The following CCDC73 variants were observed in gnomAD, a reference collection of about 807,000 sequenced individuals.
CCDC73 encodes coiled-coil domain-containing protein 73.
In CCDC73, 95 loss-of-function variants were observed where a neutral mutation model predicts 116.5. The ratio of observed to expected loss-of-function variants is 0.82; its 90% CI spans 0.69 to 0.97. The LOEUF (loss-of-function observed/expected upper bound fraction) is 0.97, where lower values mean the gene tolerates loss of function less well. CCDC73 is among the 50% of genes least tolerant of loss of function. The pLI is 0.00. For missense variants in CCDC73, 1,066 were observed against 1,206.8 expected, an observed-to-expected ratio of 0.88 and a Z score of 1.73; for synonymous variants, 398 against 401.3, an observed-to-expected ratio of 0.99 and a Z score of 0.10.
chr11:32,606,516 C>T (rs1300230072), intron 17 of CCDC73, among the ~76,000 whole-genome samples: 1 of 152,214 alleles, frequency 6.6e-6, no homozygotes, highest in Non-Finnish European at 1.5e-5. Context: ...GACAATGAAG[C>T]TTACCATAGT....
intron 7 of CCDC73, among the ~76,000 whole-genome samples, chr11:32,676,855 G>C (rs991250078): frequency 6.6e-6 from 1 of 152,230 alleles, no homozygotes; most frequent in Admixed American, 6.5e-5. Flanking sequence ...ATAGTAGATA[G>C]TCTACTTAAA....
chr11:32,700,164 A>C lies in CCDC73; in HGVS notation c.315+627T>G, dbSNP rs558843380. Reference sequence around the variant, plus strand: ...AAATATATTCTAATTAATAAGATACAGGTGGTATTTATCTAATGAATATAA... The same window carrying C: ...AAATATATTCTAATTAATAAGATACCGGTGGTATTTATCTAATGAATATAA... On this transcript the variant is annotated intron_variant, in intron 5 of 17. Coordinates refer to ENST00000335185, the MANE Select transcript of CCDC73 (RefSeq NM_001008391.4). Among the ~76,000 whole-genome samples the C allele has an allele frequency of 1.1e-4, 17 of 152,050 alleles. No individual in the cohort carries two copies. The East Asian group carries it at 2.3e-3, about 21-fold the overall frequency.
At chr11:32,651,411 C>T (rs768729777) in intron 12 of CCDC73, among the ~76,000 whole-genome samples, 2 of 152,200 alleles carry the variant, frequency 1.3e-5, no homozygotes, top group Admixed American at 6.5e-5. Context: ...TGCACCTACA[C>T]CCCAACAAAA....
chr11:32,702,129 T>A (rs1849819506), intron 4 of CCDC73, among the ~76,000 whole-genome samples: 2 of 149,954 alleles, frequency 1.3e-5, no homozygotes, highest in South Asian at 4.2e-4. Flanking sequence ...CTTAAAAAAA[T>A]TAACACATCT....
intron 1 of CCDC73, among the ~76,000 whole-genome samples, chr11:32,768,170 T>C (rs2133384514): frequency 6.6e-6 from 1 of 152,236 alleles, no homozygotes; most frequent in Non-Finnish European, 1.5e-5. Flanking sequence ...ATGTCCTTTG[T>C]AGGGACATGG....
At position 32,761,077 on chromosome 11, in the gene CCDC73, C is replaced by T. The variant is rs530775249; in HGVS notation, c.-15-819G>A. Among the ~76,000 whole-genome samples, 4 of 152,158 alleles carry T rather than the reference C, an allele frequency of 2.6e-5. No individual in the cohort carries two copies. The South Asian group carries it at 8.3e-4, about 32-fold the overall frequency. On this transcript the variant is annotated intron_variant, in intron 1 of 17. Coordinates refer to ENST00000335185, the MANE Select transcript of CCDC73 (RefSeq NM_001008391.4). ...AAGATACAGAACTCTAGCATCAATA[C>T]AAGCTTCTTCAAGCAGCTTCTCTGT...
intron 5 of CCDC73, 72 bp downstream of exon 5, chr11:32,700,719 C>A: frequency 1.5e-6 from 1 of 676,362 alleles, no homozygotes; most frequent in Non-Finnish European, 2.4e-6. Context: ...AGGCATCTAG[C>A]TATGTTTTAA....
At chr11:32,661,526 CACCT>C (rs1276174087) in intron 9 of CCDC73, among the ~76,000 whole-genome samples, 2 of 149,132 alleles carry the variant, frequency 1.3e-5, no homozygotes, top group Non-Finnish European at 3.0e-5. Flanking sequence ...GTTCAATTCC[CACCT>C]GAGAGTGAGA....
At chr11:32,618,223 G>T (rs1855491939) in intron 14 of CCDC73, among the ~76,000 whole-genome samples, 1 of 152,066 alleles carries the variant, frequency 6.6e-6, no homozygotes, top group Non-Finnish European at 1.5e-5. Context: ...CTTTTTTATG[G>T]CTGTGTAGTA....
At chr11:32,726,265 G>A (rs1052363997) in intron 2 of CCDC73, among the ~76,000 whole-genome samples, 4 of 152,062 alleles carry the variant, frequency 2.6e-5, no homozygotes, top group African/African-American at 7.2e-5. Context: ...TCCAGATATT[G>A]GATTTATTGA....
intron 1 of CCDC73, among the ~76,000 whole-genome samples, chr11:32,765,681 C>T (rs1004333179): frequency 6.6e-6 from 1 of 152,174 alleles, no homozygotes; most frequent in African/African-American, 2.4e-5. Flanking sequence ...AAAATTGACA[C>T]CCTAACATCA....
At chr11:32,789,652 A>G (rs1485293566) in intron 1 of CCDC73, among the ~76,000 whole-genome samples, 1 of 152,126 alleles carries the variant, frequency 6.6e-6, no homozygotes, top group African/African-American at 2.4e-5. Flanking sequence ...GCACACCTGT[A>G]GTCTCAGCTA....
chr11:32,811,628 T>C, the CCDC73 span, among the ~76,000 whole-genome samples: 1 of 152,002 alleles, frequency 6.6e-6, no homozygotes, highest in African/African-American at 2.4e-5. Flanking sequence ...TCAGGAAACT[T>C]ATATTATGTC....
intron 3 of CCDC73, among the ~76,000 whole-genome samples, chr11:32,710,794 C>G (rs1273526368): frequency 3.3e-5 from 5 of 152,206 alleles, no homozygotes; most frequent in South Asian, 4.1e-4. Context: ...ATTAAAGTCC[C>G]CCACTATTAT....
chr11:32,653,542 C>T (rs916422840), intron 11 of CCDC73, among the ~76,000 whole-genome samples: 2 of 152,076 alleles, frequency 1.3e-5, no homozygotes, highest in Non-Finnish European at 2.9e-5. Flanking sequence ...ACTAAAATGT[C>T]ATATGAGGTA....
chr11:32,773,262 TG>T (rs1285340648), intron 1 of CCDC73, among the ~76,000 whole-genome samples: 1 of 152,084 alleles, frequency 6.6e-6, no homozygotes, highest in Non-Finnish European at 1.5e-5. Flanking sequence ...TTGCTTAGGT[TG>T]GGGGGTTGAA....
intron 1 of CCDC73, among the ~76,000 whole-genome samples, chr11:32,763,251 G>C (rs1378039647): frequency 6.6e-6 from 1 of 152,162 alleles, no homozygotes; most frequent in African/African-American, 2.4e-5. Context: ...AGAGAGTAGT[G>C]GTTCTCCTAG....
chr11:32,631,584 GA>G (rs1855630567), intron 14 of CCDC73, among the ~76,000 whole-genome samples: 1 of 150,912 alleles, frequency 6.6e-6, no homozygotes, highest in Non-Finnish European at 1.5e-5. Flanking sequence ...GGAAAGGAAG[GA>G]AAGGAAGGAA....
intron 1 of CCDC73, among the ~76,000 whole-genome samples, chr11:32,768,953 C>T (rs570010435): frequency 6.6e-6 from 1 of 152,178 alleles, no homozygotes; most frequent in Non-Finnish European, 1.5e-5. Context: ...ATGGCCAATA[C>T]ACCCAGGAAA....
Sources: allele counts gnomAD v4.1 joint callset (sites outside exome capture counted in the v4.1 genomes callset), GRCh38; gene constraint gnomAD v4.1.1; transcripts MANE v1.5; gene names NCBI Gene and HGNC (gene_info 2026-07-23, HGNC 2026-07-21).